The following CRPPA variants were observed in gnomAD, a reference collection of about 807,000 sequenced individuals.
The protein encoded by CRPPA is CDP-L-ribitol pyrophosphorylase A, also known as D-ribitol-5-phosphate cytidylyltransferase.
Under a neutral mutation model 52.0 loss-of-function variants are expected in CRPPA, and 43 were observed. The observed-to-expected ratio is 0.83, with a 90% CI of 0.65 to 1.07. The LOEUF is 1.07. Among genes scored for constraint, CRPPA ranks in the 50% least tolerant of loss-of-function variants. CRPPA has a pLI of 0.00. For synonymous variants in CRPPA, 250 were observed against 203.5 expected (o/e 1.23, Z -1.94); for missense variants, 629 against 551.7 (o/e 1.14, Z -1.40).
intron 6 of CRPPA, among the ~76,000 whole-genome samples, chr7:16,264,767 C>T (rs371136629): frequency 2.2e-4 from 34 of 152,260 alleles, no homozygotes; most frequent in African/African-American, 8.2e-4. Context: ...AACAATTATC[C>T]CTTTTTGCCT....
chr7:16,149,847 G>A (rs915624220), intron 9 of CRPPA, among the ~76,000 whole-genome samples: 9 of 151,944 alleles, frequency 5.9e-5, no homozygotes, highest in African/African-American at 2.4e-5. Context: ...TTAGCCGAGC[G>A]TGGCAGCGGT....
At chr7:16,388,739 G>A (rs1187367717) in intron 2 of CRPPA, among the ~76,000 whole-genome samples, 1 of 152,082 alleles carries the variant, frequency 6.6e-6, no homozygotes, top group Non-Finnish European at 1.5e-5. Context: ...AGCCAGGCAT[G>A]GTGGTGCATG....
intron 6 of CRPPA, among the ~76,000 whole-genome samples, chr7:16,275,621 A>G (rs1364498654): frequency 6.6e-6 from 1 of 151,966 alleles, no homozygotes. Flanking sequence ...TGAGGCCAGG[A>G]GTTTGAGACC....
chr7:16,304,258 C>T (rs1387487807), intron 4 of CRPPA, among the ~76,000 whole-genome samples: 3 of 152,000 alleles, frequency 2.0e-5, no homozygotes, highest in Non-Finnish European at 2.9e-5. Flanking sequence ...CTCCTCAGTG[C>T]TTATCGCCCT....
In CRPPA at chr7:16,309,431, C is replaced by G. The variant is rs76372488; in HGVS notation, c.685-804G>C. ...GATAGATGCAGCACTAGAAGAATGT[C>G]TAGAGGTAGCTCAGTGGATAAAACA... On this transcript the variant is annotated intron_variant, in intron 3 of 9. Coordinates refer to ENST00000407010, the MANE Select transcript of CRPPA (RefSeq NM_001101426.4). Among the ~76,000 whole-genome samples the G allele has an allele frequency of 6.3e-3, 953 of 152,268 alleles. 11 individuals carry two copies. The highest frequency in any genetic ancestry group is 0.022 in the African/African-American group (910 of 41,556).
chr7:16,262,276 A>G (rs1783831059), intron 6 of CRPPA, among the ~76,000 whole-genome samples: 6 of 152,070 alleles, frequency 3.9e-5, no homozygotes, highest in Admixed American at 3.9e-4. Context: ...CACCTACTCT[A>G]CTTTAGCTAC....
intron 8 of CRPPA, among the ~76,000 whole-genome samples, chr7:16,223,932 T>A (rs1190911672): frequency 3.9e-5 from 6 of 152,150 alleles, no homozygotes; most frequent in Non-Finnish European, 8.8e-5. Context: ...AGAATTACAG[T>A]AAAACAGTAT....
At chr7:16,103,586 G>C (rs1422951745) in intron 9 of CRPPA, among the ~76,000 whole-genome samples, 2 of 152,146 alleles carry the variant, frequency 1.3e-5, no homozygotes, top group Non-Finnish European at 2.9e-5. Flanking sequence ...TGTACTCCAT[G>C]ATTCTTCCTC....
At chr7:16,203,397 C>A (rs1367775172) in intron 9 of CRPPA, among the ~76,000 whole-genome samples, 1 of 152,030 alleles carries the variant, frequency 6.6e-6, no homozygotes, top group East Asian at 1.9e-4. Flanking sequence ...ACATGGGCCA[C>A]AGTAGTTGAA....
At chr7:16,195,658 T>G (rs1781714679) in intron 9 of CRPPA, among the ~76,000 whole-genome samples, 1 of 152,058 alleles carries the variant, frequency 6.6e-6, no homozygotes, top group Non-Finnish European at 1.5e-5. Flanking sequence ...CTGTGGCTGC[T>G]CCATCAAAAA....
chr7:16,160,089 G>A (rs1439211624), intron 9 of CRPPA, among the ~76,000 whole-genome samples: 1 of 151,994 alleles, frequency 6.6e-6, no homozygotes, highest in African/African-American at 2.4e-5. Flanking sequence ...TGGATAGATT[G>A]CAAAAATCTT....
intron 8 of CRPPA, among the ~76,000 whole-genome samples, chr7:16,243,054 C>T (rs1201035414): frequency 1.3e-5 from 2 of 152,120 alleles, no homozygotes; most frequent in Admixed American, 6.5e-5. Context: ...AATTGTAATT[C>T]CCACATGTCA....
intron 9 of CRPPA, among the ~76,000 whole-genome samples, chr7:16,095,547 C>A (rs1259463533): frequency 6.6e-6 from 1 of 152,122 alleles, no homozygotes; most frequent in African/African-American, 2.4e-5. Context: ...CCATATATAG[C>A]CATTAAATCT....
chr7:16,213,756 A>G (rs565547759), intron 9 of CRPPA, among the ~76,000 whole-genome samples: 51 of 152,176 alleles, frequency 3.4e-4, no homozygotes, highest in Non-Finnish European at 5.7e-4. Flanking sequence ...GCTCAAAAAA[A>G]AAAAAAAATT....
intron 9 of CRPPA, among the ~76,000 whole-genome samples, chr7:16,207,551 C>A (rs115015888): frequency 2.4e-4 from 36 of 152,264 alleles, no homozygotes; most frequent in African/African-American, 8.7e-4. Context: ...AAAGATATCT[C>A]CCTCACTCAC....
chr7:16,154,532 TAAAAC>T (rs1293428511), intron 9 of CRPPA, among the ~76,000 whole-genome samples: 1 of 152,164 alleles, frequency 6.6e-6, no homozygotes, highest in Non-Finnish European at 1.5e-5. Flanking sequence ...CTCCGAGTAA[TAAAAC>T]TAAACTTCTG....
chr7:16,229,797 T>A (rs1782743684), intron 8 of CRPPA, among the ~76,000 whole-genome samples: 1 of 152,116 alleles, frequency 6.6e-6, no homozygotes, highest in South Asian at 2.1e-4. Context: ...AGGATTCCCA[T>A]TAGCATTTCT....
chr7:16,408,899 G>T (rs1788017725), intron 1 of CRPPA, among the ~76,000 whole-genome samples: 1 of 152,052 alleles, frequency 6.6e-6, no homozygotes, highest in Non-Finnish European at 1.5e-5. Context: ...AGCATGAGTG[G>T]CCTCTACAAT....
intron 3 of CRPPA, among the ~76,000 whole-genome samples, chr7:16,332,349 A>C (rs1454906165): frequency 1.3e-5 from 2 of 152,190 alleles, no homozygotes; most frequent in Non-Finnish European, 2.9e-5. Flanking sequence ...ACTTTACATA[A>C]AGAAGAGATT....
Sources: allele counts gnomAD v4.1 joint callset (sites outside exome capture counted in the v4.1 genomes callset), GRCh38; gene constraint gnomAD v4.1.1; transcripts MANE v1.5; gene names NCBI Gene and HGNC (gene_info 2026-07-23, HGNC 2026-07-21).